The following ST6GALNAC3 variants were observed in gnomAD, a reference collection of about 807,000 sequenced individuals.
The protein encoded by ST6GALNAC3 is alpha-N-acetylgalactosaminide alpha-2,6-sialyltransferase 3.
A neutral mutation model predicts 32.7 loss-of-function variants in ST6GALNAC3; 25 were observed. The observed-to-expected ratio is 0.76, with a 90% CI of 0.56 to 1.07. The LOEUF (loss-of-function observed/expected upper bound fraction) is 1.07, where lower values mean the gene tolerates loss of function less well. ST6GALNAC3 is among the 50% of genes least tolerant of loss of function. ST6GALNAC3 has a pLI of 0.00. For missense variants in ST6GALNAC3, 355 were observed against 382.4 expected (o/e 0.93, Z 0.60); for synonymous variants, 129 against 133.1 (o/e 0.97, Z 0.21).
chr1:76,115,408 A>T (rs574834149), intron 1 of ST6GALNAC3, among the ~76,000 whole-genome samples: 2 of 152,330 alleles, frequency 1.3e-5, no homozygotes, highest in East Asian at 3.9e-4. Context: ...TAAATTTACT[A>T]CATGCCAATC....
rs371842856 is a variant in ST6GALNAC3, at chr1:76,116,755, A to C, written c.18+41871A>C. Reference sequence around the variant, plus strand: ...AGACCAGCCTTGCCAACATGGCAAAACCCCGTCTATACTAAAAAATACAAA... The same window carrying C: ...AGACCAGCCTTGCCAACATGGCAAACCCCCGTCTATACTAAAAAATACAAA... On this transcript the variant is annotated intron_variant, in intron 1 of 4. Coordinates refer to ENST00000328299, the MANE Select transcript of ST6GALNAC3 (RefSeq NM_152996.4). Among the ~76,000 whole-genome samples the C allele has an allele frequency of 3.4e-3, 514 of 152,184 alleles. 1 individual carries two copies. Among genetic ancestry groups the C allele is most frequent in the Middle Eastern group, 0.024 (7 of 294 alleles).
chr1:76,458,552 G>A (rs866125017), intron 3 of ST6GALNAC3, among the ~76,000 whole-genome samples: 73 of 146,598 alleles, frequency 5.0e-4, no homozygotes, highest in Middle Eastern at 6.8e-3. Flanking sequence ...ATACTATGCA[G>A]CCATAAAAAA....
At chr1:76,548,305 A>G (rs758151748) in intron 3 of ST6GALNAC3, among the ~76,000 whole-genome samples, 1 of 152,126 alleles carries the variant, frequency 6.6e-6, no homozygotes, top group African/African-American at 2.4e-5. Flanking sequence ...TGCAAATAAG[A>G]GGAAACTGTA....
chr1:76,625,538 A>G (rs560868057), intron 3 of ST6GALNAC3, among the ~76,000 whole-genome samples: 1 of 152,038 alleles, frequency 6.6e-6, no homozygotes, highest in Non-Finnish European at 1.5e-5. Context: ...TTCAGTACAT[A>G]GACAAAATAT....
At chr1:76,298,759 A>G (rs1027564728) in intron 1 of ST6GALNAC3, among the ~76,000 whole-genome samples, 1 of 152,108 alleles carries the variant, frequency 6.6e-6, no homozygotes, top group African/African-American at 2.4e-5. Context: ...ATAAAAGGCA[A>G]TAAAAGTGAT....
intron 1 of ST6GALNAC3, 193 bp from the exon 2 acceptor site, chr1:76,313,612 C>A: frequency 1.4e-6 from 1 of 707,692 alleles, no homozygotes; most frequent in Non-Finnish European, 2.5e-6. Context: ...GCTCTGCTTG[C>A]TCTCAGCAGC....
At chr1:76,515,404 GTC>G (rs1026471530) in intron 3 of ST6GALNAC3, among the ~76,000 whole-genome samples, 4 of 151,044 alleles carry the variant, frequency 2.6e-5, no homozygotes, top group African/African-American at 9.7e-5. Context: ...TAATTTTTTA[GTC>G]TCTGTTTATT....
At chr1:76,298,170 G>C (rs1660517027) in intron 1 of ST6GALNAC3, among the ~76,000 whole-genome samples, 1 of 151,952 alleles carries the variant, frequency 6.6e-6, no homozygotes, top group Non-Finnish European at 1.5e-5. Context: ...TTGCCATATA[G>C]ACAACTCCCT....
chr1:76,264,383 C>A (rs768025389), intron 1 of ST6GALNAC3, among the ~76,000 whole-genome samples: 4 of 152,100 alleles, frequency 2.6e-5, no homozygotes, highest in Non-Finnish European at 4.4e-5. Flanking sequence ...ACCTTTAAGA[C>A]CCATGAAAAT....
At chr1:76,544,120 G>A (rs919206758) in intron 3 of ST6GALNAC3, among the ~76,000 whole-genome samples, 68 of 150,452 alleles carry the variant, frequency 4.5e-4, no homozygotes, top group African/African-American at 1.5e-3. Context: ...ATTGAGCTAC[G>A]TACTCTACAG....
intron 1 of ST6GALNAC3, among the ~76,000 whole-genome samples, chr1:76,085,352 A>G (rs1646950715): frequency 1.3e-5 from 2 of 152,152 alleles, no homozygotes; most frequent in African/African-American, 4.8e-5. Flanking sequence ...CTTTCAGTGG[A>G]CTTTAAGAAC....
At chr1:76,465,890 A>G (rs1012257565) in intron 3 of ST6GALNAC3, among the ~76,000 whole-genome samples, 1 of 152,018 alleles carries the variant, frequency 6.6e-6, no homozygotes, top group African/African-American at 2.4e-5. Context: ...AATCTCTCAG[A>G]TTATTTTCTT....
chr1:76,155,616 C>T (rs963973621), intron 1 of ST6GALNAC3, among the ~76,000 whole-genome samples: 3 of 151,334 alleles, frequency 2.0e-5, no homozygotes, highest in East Asian at 1.9e-4. Flanking sequence ...GACAGGCGCC[C>T]GCCACTACGC....
intron 3 of ST6GALNAC3, among the ~76,000 whole-genome samples, chr1:76,477,712 G>A (rs1227114684): frequency 1.3e-5 from 2 of 152,104 alleles, no homozygotes; most frequent in African/African-American, 4.8e-5. Flanking sequence ...TCAGGGCAAG[G>A]GTTGTACCAA....
chr1:76,364,977 T>G (rs185191180), intron 2 of ST6GALNAC3, among the ~76,000 whole-genome samples: 56 of 152,256 alleles, frequency 3.7e-4, no homozygotes, highest in Admixed American at 2.0e-3. Flanking sequence ...CACTATTGGG[T>G]ATACAGCCAA....
intron 1 of ST6GALNAC3, among the ~76,000 whole-genome samples, chr1:76,125,531 C>A (rs1426121094): frequency 6.6e-6 from 1 of 152,208 alleles, no homozygotes; most frequent in Non-Finnish European, 1.5e-5. Flanking sequence ...TCACATTGAA[C>A]CTTTTTTAAC....
chr1:76,251,836 G>A (rs1026310351), intron 1 of ST6GALNAC3, among the ~76,000 whole-genome samples: 1 of 152,008 alleles, frequency 6.6e-6, no homozygotes, highest in African/African-American at 2.4e-5. Context: ...TCTGCTCCTA[G>A]ATAAGCAGGG....
intron 3 of ST6GALNAC3, among the ~76,000 whole-genome samples, chr1:76,574,298 C>G (rs1304257058): frequency 1.3e-5 from 2 of 151,952 alleles, no homozygotes; most frequent in Non-Finnish European, 2.9e-5. Flanking sequence ...AGCCTTGTTT[C>G]TAGATATTTT....
chr1:76,576,087 A>G (rs1218661323), intron 3 of ST6GALNAC3, among the ~76,000 whole-genome samples: 1 of 152,022 alleles, frequency 6.6e-6, no homozygotes, highest in Non-Finnish European at 1.5e-5. Flanking sequence ...CTAAACAGGG[A>G]ACAGGTGGCC....
Sources: allele counts gnomAD v4.1 joint callset (sites outside exome capture counted in the v4.1 genomes callset), GRCh38; gene constraint gnomAD v4.1.1; transcripts MANE v1.5; gene names NCBI Gene and HGNC (gene_info 2026-07-23, HGNC 2026-07-21).